Variants in TRAIP observed in about 807,000 individuals in gnomAD.
The protein encoded by TRAIP is E3 ubiquitin-protein ligase TRAIP.
Under a neutral mutation model 65.0 loss-of-function variants are expected in TRAIP, and 37 were observed. The ratio of observed to expected loss-of-function variants is 0.57; its 90% CI spans 0.44 to 0.75. The LOEUF (loss-of-function observed/expected upper bound fraction) is 0.75. Ranked by LOEUF, TRAIP falls within the 30% of genes least tolerant of loss-of-function variation. The pLI, the probability that TRAIP is intolerant of heterozygous loss-of-function variation, is 0.00. For missense variants in TRAIP, 481 were observed against 579.4 expected (o/e 0.83, Z 1.74); for synonymous variants, 187 against 219.1 (o/e 0.85, Z 1.29).
At position 49,840,009 on chromosome 3, in the gene TRAIP, G is replaced by A. The variant is rs528884827; in HGVS notation, c.796-149C>T. The A allele has an allele frequency of 2.4e-5, 19 of 800,086 alleles. No homozygotes were observed. The African/African-American group carries it at 3.1e-4, about 13-fold the overall frequency. 49.6% of individuals were successfully genotyped at this position (800,086 alleles called of 1,614,324 possible). ...CTCATCATTAGGCTCAGGAGGCCAA[G>A]CCCCAGGTAGAGCCCCTCCTCTGAT... On this transcript the variant is annotated intron_variant, in intron 9 of 14. Coordinates refer to ENST00000331456, the MANE Select transcript of TRAIP (RefSeq NM_005879.3).
intron 4 of TRAIP, among the ~76,000 whole-genome samples, chr3:49,844,197 G>C (rs547491556): frequency 1.3e-5 from 2 of 152,256 alleles, no homozygotes; most frequent in Admixed American, 1.3e-4. Flanking sequence ...CATGGGTCCA[G>C]TTAGTTCATC....
chr3:49,843,732 G>C lies in TRAIP; in HGVS notation c.408+69C>G, dbSNP rs755173622. On this transcript the variant is annotated intron_variant, in intron 5 of 14. Coordinates refer to ENST00000331456, the MANE Select transcript of TRAIP (RefSeq NM_005879.3). ...GGAGCAGAACCAGAAGATAAGCCCA[G>C]AATGGGGAGTCCAGTTCTGGGGCAA... The C allele has an allele frequency of 7.6e-6, 12 of 1,571,804 alleles. No homozygotes were observed. The South Asian group carries it at 1.2e-4, about 16-fold the overall frequency.
chr3:49,849,994 G>A (rs2081917448), intron 1 of TRAIP, among the ~76,000 whole-genome samples: 1 of 151,486 alleles, frequency 6.6e-6, no homozygotes, highest in Non-Finnish European at 1.5e-5. Context: ...CCACAGGCGT[G>A]CACCACCATG....
chr3:49,837,684 C>T (rs2081801035), intron 10 of TRAIP, among the ~76,000 whole-genome samples: 1 of 151,494 alleles, frequency 6.6e-6, no homozygotes, highest in African/African-American at 2.4e-5. Context: ...CAGGGTCAAG[C>T]GATTGTCCTG....
intron 1 of TRAIP, among the ~76,000 whole-genome samples, chr3:49,854,803 T>A: frequency 6.6e-6 from 1 of 152,030 alleles, no homozygotes. Context: ...ACACCTGTAA[T>A]CCTAGCACTT....
At chr3:49,855,635 C>G (rs1037648047) in intron 1 of TRAIP, among the ~76,000 whole-genome samples, 1 of 152,202 alleles carries the variant, frequency 6.6e-6, no homozygotes, top group Non-Finnish European at 1.5e-5. Flanking sequence ...TGCAAGTAAG[C>G]CAGCAGCCAT....
chr3:49,850,015 A>C (rs2081917549), intron 1 of TRAIP, among the ~76,000 whole-genome samples: 1 of 151,518 alleles, frequency 6.6e-6, no homozygotes, highest in South Asian at 2.1e-4. Flanking sequence ...CCCAGCTAAA[A>C]TTCCCATAAG....
chr3:49,844,410 G>A (rs770249997), intron 4 of TRAIP, 131 bp downstream of exon 4: 18 of 964,282 alleles, frequency 1.9e-5, no homozygotes, highest in Non-Finnish European at 2.9e-5. Context: ...CAGCTAGCAG[G>A]ACTCTTGGAC....
Position 49,847,572 on chromosome 3 carries a change from C to A in TRAIP, c.193G>T (p.Asp65Tyr). 1 of 1,611,450 alleles carries A rather than the reference C, an allele frequency of 6.2e-7. No homozygotes were observed. The highest frequency in any genetic ancestry group is 8.5e-7 in the Non-Finnish European group (1 of 1,179,292). ...KRTIINKLFFDLAQEEENVLD... is the reference protein window; with the variant it reads ...KRTIINKLFFYLAQEEENVLD... ...ACATTCTCCTCCTCCTGGGCAAGAT[C>A]AAAGAAGAGCTTATTGATAATGGTT... The change falls in exon 3 of 15, where the codon GAT (aspartate) becomes TAT (tyrosine). Residue 65 changes from aspartate (D) to tyrosine (Y), a missense_variant. Coordinates refer to ENST00000331456, the MANE Select transcript of TRAIP (RefSeq NM_005879.3).
rs2108309762 is a variant in TRAIP, at chr3:49,832,155, AG to A, written c.885-88del. On this transcript the variant is annotated intron_variant, in intron 10 of 14. Transcript: ENST00000331456. ...GAAGCATCAGAGATAACTCAGCTCC[AG>A]GGACCTGGAGCCCACTCCTGACTCA... 5 of 1,401,392 alleles carry A rather than the reference AG, an allele frequency of 3.6e-6. No homozygotes were observed. The Admixed American group carries it at 1.4e-4, about 39-fold the overall frequency. 86.8% of individuals were successfully genotyped at this position (1,401,392 alleles called of 1,614,324 possible).
rs1301049059 is a variant in TRAIP, at chr3:49,843,899, T to C, written c.310A>G (p.Ile104Val). 11 of 1,611,874 alleles carry C rather than the reference T, an allele frequency of 6.8e-6. No homozygotes were observed. Among genetic ancestry groups the C allele is most frequent in the East Asian group, 2.2e-5 (1 of 44,824 alleles). The change falls in exon 5 of 15, where the codon ATC becomes GTC. Residue 104 changes from isoleucine to valine, a missense_variant. Transcript: ENST00000331456. ...TCCAGCGTATCCCGCAGAGTGTCGA[T>C]GATGACCTGGCTGTCTCGTTTCTCC... ...DKEKRDSQVIIDTLRDTLEER... is the reference protein window; with the variant it reads ...DKEKRDSQVIVDTLRDTLEER...
chr3:49,847,438 AGAAG>A, intron 3 of TRAIP, 83 bp downstream of exon 3: 2 of 831,660 alleles, frequency 2.4e-6, no homozygotes, highest in Non-Finnish European at 3.9e-6. Context: ...AGAAGAGAAG[AGAAG>A]AGAAAAAAGA....
chr3:49,828,996 T>G lies in TRAIP; in HGVS notation c.*107A>C. 14 of 1,520,250 alleles carry G rather than the reference T, an allele frequency of 9.2e-6. No homozygotes were observed. The highest frequency in any genetic ancestry group is 1.2e-5 in the Non-Finnish European group (13 of 1,105,866). 94.2% of individuals were successfully genotyped at this position (1,520,250 alleles called of 1,614,324 possible). A position where few individuals can be genotyped will look rare whatever the true frequency, so the allele number is the denominator to read the frequency against. ...TCACCTGTTTGTCTGCCCTTACACC[T>G]CAGGCTGGTCCCGAAAGTGGGGCTC... On this transcript the variant is annotated 3_prime_UTR_variant, in exon 15 of 15. Transcript: ENST00000331456.
At chr3:49,856,194 C>T (rs2081967867) in intron 1 of TRAIP, among the ~76,000 whole-genome samples, 162 bp downstream of exon 1, 1 of 152,228 alleles carries the variant, frequency 6.6e-6, no homozygotes, top group African/African-American at 2.4e-5. Context: ...CTGTCCTGAC[C>T]CACTTCTGCC....
chr3:49,847,220 TA>T (rs758686547), intron 3 of TRAIP, among the ~76,000 whole-genome samples: 7 of 145,318 alleles, frequency 4.8e-5, no homozygotes, highest in African/African-American at 2.6e-5. Context: ...AATAAATAAA[TA>T]AAATAAAAAA....
At chr3:49,835,882 T>A (rs1278668422) in intron 10 of TRAIP, among the ~76,000 whole-genome samples, 1 of 147,100 alleles carries the variant, frequency 6.8e-6, no homozygotes, top group Non-Finnish European at 1.5e-5. Flanking sequence ...GAGCTTGAAG[T>A]GAGCCGAGAT....
At chr3:49,840,192 G>C in intron 9 of TRAIP, 92 bp downstream of exon 9, 1 of 1,192,900 alleles carries the variant, frequency 8.4e-7, no homozygotes, top group South Asian at 1.3e-5. Flanking sequence ...CCACTGACTG[G>C]TGCAAGGGTC....
chr3:49,852,579 C>G (rs1207051274), intron 1 of TRAIP, among the ~76,000 whole-genome samples: 5 of 151,406 alleles, frequency 3.3e-5, no homozygotes, highest in African/African-American at 1.2e-4. Flanking sequence ...CACAGTGAAA[C>G]CCCATCTCTA....
intron 8 of TRAIP, 103 bp from the exon 9 acceptor site, chr3:49,840,476 C>T (rs1414875914): frequency 8.6e-6 from 8 of 927,134 alleles, no homozygotes; most frequent in African/African-American, 3.3e-5. Flanking sequence ...CCAGAAGAGA[C>T]TAGAGATATG....
Sources: gnomAD v4.1 joint callset for allele counts (sites outside exome capture counted in the v4.1 genomes callset) on GRCh38, gnomAD v4.1.1 for gene constraint, MANE v1.5 for transcripts, NCBI Gene and HGNC (gene_info 2026-07-23, HGNC 2026-07-21) for gene names.